CFH: variants seen among roughly 807,000 people sequenced by gnomAD.
The protein encoded by CFH is complement factor H, also known as H factor 1 (complement).
In CFH, 53 loss-of-function variants were observed where a neutral mutation model predicts 147.3. The ratio of observed to expected loss-of-function variants is 0.36; its 90% CI spans 0.29 to 0.45. CFH has a LOEUF of 0.45. Ranked by LOEUF, CFH falls within the 20% of genes least tolerant of loss-of-function variation. The pLI, the probability that CFH is intolerant of heterozygous loss-of-function variation, is 1.00. For missense variants in CFH, 1,380 were observed against 1,498.0 expected (o/e 0.92, Z 1.30); for synonymous variants, 536 against 489.4 (o/e 1.10, Z -1.26).
intron 11 of CFH, among the ~76,000 whole-genome samples, chr1:196,717,259 G>T (rs1025568027): frequency 6.6e-6 from 1 of 152,030 alleles, no homozygotes; most frequent in Non-Finnish European, 1.5e-5. Context: ...TTGAAGCTTT[G>T]TTGACTCTTT....
chr1:196,722,615 TA>T (rs2149106932), intron 11 of CFH, among the ~76,000 whole-genome samples: 1 of 152,304 alleles, frequency 6.6e-6, no homozygotes, highest in Non-Finnish European at 1.5e-5. Flanking sequence ...GAGCCTCTTG[TA>T]TAAGGATTTC....
intron 7 of CFH, among the ~76,000 whole-genome samples, chr1:196,685,954 C>T (rs1390511073): frequency 6.6e-6 from 1 of 152,074 alleles, no homozygotes; most frequent in African/African-American, 2.4e-5. Context: ...AGTTCCACAG[C>T]CTGTACAGGA....
intron 9 of CFH, among the ~76,000 whole-genome samples, chr1:196,699,555 A>T (rs1378326826): frequency 6.6e-6 from 1 of 152,048 alleles, no homozygotes; most frequent in Non-Finnish European, 1.5e-5. Context: ...CACATTTTTC[A>T]TTTATAGATT....
chr1:196,669,448 T>C (rs1667204930), intron 1 of CFH, among the ~76,000 whole-genome samples: 1 of 152,136 alleles, frequency 6.6e-6, no homozygotes, highest in Admixed American at 6.5e-5. Flanking sequence ...AAAATGGTTT[T>C]GCAGGCCTGG....
rs528783093 is a variant in CFH, at chr1:196,694,704, C to A, written c.1336+4465C>A. 2.6e-5 allele frequency among the ~76,000 whole-genome samples: 4 copies of A among 152,186 alleles called. No homozygotes were observed. The South Asian group carries it at 8.3e-4, about 32-fold the overall frequency. On this transcript the variant is annotated intron_variant, in intron 9 of 21. Coordinates refer to ENST00000367429, the MANE Select transcript of CFH (RefSeq NM_000186.4). ...TTTTAATGATCGGCATTCTAACTGG[C>A]GTGAATTGGTTTCTCATTGTGGTTT...
chr1:196,715,818 G>C, intron 11 of CFH, 49 bp downstream of exon 11: 1 of 1,510,568 alleles, frequency 6.6e-7, no homozygotes, highest in Non-Finnish European at 9.1e-7. Context: ...AAATAAATCT[G>C]TTTTCCAATT....
At chr1:196,728,605 A>C in intron 15 of CFH, 83 bp downstream of exon 15, 1 of 1,362,772 alleles carries the variant, frequency 7.3e-7, no homozygotes, top group Non-Finnish European at 1.0e-6. Context: ...TAAAAACTTT[A>C]GCTATTTATT....
intron 3 of CFH, among the ~76,000 whole-genome samples, chr1:196,674,963 T>C (rs980068595): frequency 6.6e-6 from 1 of 152,186 alleles, no homozygotes; most frequent in Non-Finnish European, 1.5e-5. Flanking sequence ...GAATTTATTC[T>C]CTCCTTAGTC....
chr1:196,673,139 C>T lies in CFH; in HGVS notation c.220C>T (p.Leu74Phe), dbSNP rs368835171. The T allele has an allele frequency of 6.2e-7, 1 of 1,613,288 alleles. No individual in the cohort carries two copies. Among genetic ancestry groups the T allele is most frequent in the African/African-American group, 1.3e-5 (1 of 74,832 alleles). ...MVCRKGEWVALNPLRKCQKRP... is the reference protein window; with the variant it reads ...MVCRKGEWVAFNPLRKCQKRP... Reference sequence around the variant, plus strand: ...ATGCAGGAAGGGAGAATGGGTTGCTCTTAATCCATTAAGGAAATGTCAGAG... The same window carrying T: ...ATGCAGGAAGGGAGAATGGGTTGCTTTTAATCCATTAAGGAAATGTCAGAG... The change falls in exon 2 of 22, where the codon CTT becomes TTT. Residue 74 changes from leucine to phenylalanine, a missense_variant. Around this residue, in one of 4 missense-constraint regions of CFH, gnomAD observed 260 missense variants for 263.3 expected, o/e 0.99. Transcript: ENST00000367429.
intron 19 of CFH, among the ~76,000 whole-genome samples, chr1:196,743,181 A>G (rs1652870743): frequency 6.6e-6 from 1 of 152,228 alleles, no homozygotes; most frequent in Non-Finnish European, 1.5e-5. Flanking sequence ...ACTTTCGTTT[A>G]CACTGGCTTC....
chr1:196,690,386 C>A, intron 9 of CFH, 147 bp downstream of exon 9: 2 of 1,097,820 alleles, frequency 1.8e-6, no homozygotes, highest in Non-Finnish European at 2.8e-6. Context: ...GGTTTTTCAA[C>A]TGTGTATAAA....
chr1:196,682,804 T>C (rs1195951330), intron 6 of CFH, among the ~76,000 whole-genome samples: 1 of 151,684 alleles, frequency 6.6e-6, no homozygotes, highest in Non-Finnish European at 1.5e-5. Flanking sequence ...TTAAGTCACA[T>C]ACATATTGTT....
intron 1 of CFH, among the ~76,000 whole-genome samples, chr1:196,661,868 A>G (rs1387077616): frequency 6.6e-6 from 1 of 152,148 alleles, no homozygotes; most frequent in African/African-American, 2.4e-5. Flanking sequence ...CTACCTACTT[A>G]AAAAGAGGTT....
At chr1:196,671,878 C>CAT (rs550583573) in intron 1 of CFH, among the ~76,000 whole-genome samples, 207 of 149,046 alleles carry the variant, frequency 1.4e-3, no homozygotes, top group African/African-American at 4.9e-3. Flanking sequence ...GAAAAGTGAA[C>CAT]ATATATATAA....
chr1:196,701,910 C>T (rs189868914), intron 9 of CFH, among the ~76,000 whole-genome samples: 193 of 152,220 alleles, frequency 1.3e-3, no homozygotes, highest in Non-Finnish European at 2.3e-3. Context: ...CACTGGATTT[C>T]GGAGAACAGT....
At chr1:196,717,539 G>A (rs1668899681) in intron 11 of CFH, among the ~76,000 whole-genome samples, 1 of 152,040 alleles carries the variant, frequency 6.6e-6, no homozygotes, top group Non-Finnish European at 1.5e-5. Flanking sequence ...TAGAGTAGAA[G>A]AGACAGACCC....
intron 11 of CFH, among the ~76,000 whole-genome samples, chr1:196,717,273 G>A (rs777739592): frequency 6.6e-6 from 1 of 152,016 alleles, no homozygotes; most frequent in Admixed American, 6.6e-5. Flanking sequence ...ACTCTTTCTT[G>A]TTGGTAAAAT....
intron 1 of CFH, among the ~76,000 whole-genome samples, chr1:196,665,982 C>A (rs2149072891): frequency 6.6e-6 from 1 of 152,272 alleles, no homozygotes; most frequent in Non-Finnish European, 1.5e-5. Flanking sequence ...GTACGATAGA[C>A]TTACCCATTG....
chr1:196,740,255 A>T (rs1652766171), intron 17 of CFH, among the ~76,000 whole-genome samples: 1 of 152,150 alleles, frequency 6.6e-6, no homozygotes, highest in Non-Finnish European at 1.5e-5. Flanking sequence ...CTTCTTTTAC[A>T]TTCTTCCCAC....
Sources: gnomAD v4.1 joint callset for allele counts (sites outside exome capture counted in the v4.1 genomes callset) on GRCh38, gnomAD v4.1.1 for gene constraint, gnomAD v4.1.1 regional missense constraint, MANE v1.5 for transcripts, NCBI Gene and HGNC (gene_info 2026-07-23, HGNC 2026-07-21) for gene names.